The following CHST9 variants were observed in gnomAD, a reference collection of about 807,000 sequenced individuals.
CHST9 encodes GalNAc-4-sulfotransferase 2.
In CHST9, 41 loss-of-function variants were observed where a neutral mutation model predicts 44.4. The observed-to-expected ratio is 0.92, with a 90% CI of 0.72 to 1.20. CHST9 has a LOEUF of 1.20. CHST9 is among the 50% of genes most tolerant of loss of function. The pLI is 0.00. For missense variants in CHST9, 504 were observed against 516.5 expected, an observed-to-expected ratio of 0.98 and a Z score of 0.23; for synonymous variants, 171 against 178.4, an observed-to-expected ratio of 0.96 and a Z score of 0.33.
chr18:26,928,003 C>A (rs1366452699), intron 5 of CHST9, among the ~76,000 whole-genome samples: 7 of 145,996 alleles, frequency 4.8e-5, no homozygotes, highest in Non-Finnish European at 1.1e-4. Context: ...CTTTTAACAG[C>A]ACGCTGCCTT....
At chr18:27,120,684 T>C (rs1365812320) in intron 2 of CHST9, among the ~76,000 whole-genome samples, 1 of 152,234 alleles carries the variant, frequency 6.6e-6, no homozygotes, top group East Asian at 1.9e-4. Context: ...ATTTTCTCTG[T>C]GACTCAGTTT....
chr18:26,999,904 CA>C (rs1353956965), intron 4 of CHST9, among the ~76,000 whole-genome samples: 1 of 152,130 alleles, frequency 6.6e-6, no homozygotes, highest in Non-Finnish European at 1.5e-5. Flanking sequence ...TTAAGTGGGA[CA>C]GTGTGTAATG....
chr18:27,055,549 A>G (rs1419880108), intron 2 of CHST9, among the ~76,000 whole-genome samples: 1 of 152,172 alleles, frequency 6.6e-6, no homozygotes, highest in South Asian at 2.1e-4. Flanking sequence ...CCAGGTCACC[A>G]CTATTGCCAT....
intron 1 of CHST9, among the ~76,000 whole-genome samples, chr18:27,159,120 C>T (rs866825185): frequency 6.6e-6 from 1 of 152,068 alleles, no homozygotes; most frequent in Non-Finnish European, 1.5e-5. Context: ...TTAATTAGAT[C>T]CCATTTGTCA....
At chr18:26,933,444 T>C (rs1487509913) in intron 5 of CHST9, among the ~76,000 whole-genome samples, 1 of 152,196 alleles carries the variant, frequency 6.6e-6, no homozygotes, top group Non-Finnish European at 1.5e-5. Context: ...AACCTTTATA[T>C]TTTTGCCGAG....
At chr18:27,000,395 G>A (rs2056934923) in intron 4 of CHST9, among the ~76,000 whole-genome samples, 1 of 152,320 alleles carries the variant, frequency 6.6e-6, no homozygotes. Flanking sequence ...GTTCACTTAC[G>A]AAGGGACTTA....
At chr18:26,985,065 T>C (rs1189353670) in intron 4 of CHST9, among the ~76,000 whole-genome samples, 1 of 152,154 alleles carries the variant, frequency 6.6e-6, no homozygotes, top group Non-Finnish European at 1.5e-5. Flanking sequence ...TAATACTGTT[T>C]ATAACAGATC....
At chr18:26,994,141 A>G (rs927988201) in intron 4 of CHST9, among the ~76,000 whole-genome samples, 1 of 152,224 alleles carries the variant, frequency 6.6e-6, no homozygotes, top group African/African-American at 2.4e-5. Context: ...CTTATCTCAA[A>G]ATACAATCAC....
chr18:27,092,548 T>C (rs1472999345), intron 2 of CHST9, among the ~76,000 whole-genome samples: 1 of 152,198 alleles, frequency 6.6e-6, no homozygotes, highest in Non-Finnish European at 1.5e-5. Context: ...AGGGTGTTGA[T>C]TTTAGATCTT....
intron 4 of CHST9, among the ~76,000 whole-genome samples, chr18:26,991,553 C>T (rs745899227): frequency 9.2e-5 from 14 of 152,086 alleles, no homozygotes; most frequent in Non-Finnish European, 1.9e-4. Context: ...CAGCATGAGA[C>T]TAGCTGAGGT....
At chr18:26,958,034 G>GCC (rs2056349416) in intron 4 of CHST9, among the ~76,000 whole-genome samples, 1 of 129,140 alleles carries the variant, frequency 7.7e-6, no homozygotes, top group African/African-American at 2.7e-5. Context: ...TTACAGGCAT[G>GCC]CACCACCACA....
At chr18:27,108,352 G>A (rs1402004808) in intron 2 of CHST9, among the ~76,000 whole-genome samples, 2 of 152,124 alleles carry the variant, frequency 1.3e-5, no homozygotes, top group African/African-American at 2.4e-5. Flanking sequence ...ATAAAATGAT[G>A]TCAACACGTA....
intron 2 of CHST9, among the ~76,000 whole-genome samples, chr18:27,062,151 T>C (rs886685173): frequency 1.3e-5 from 2 of 152,144 alleles, no homozygotes; most frequent in African/African-American, 4.8e-5. Flanking sequence ...TATACTGTTG[T>C]TTGGTCAATT....
intron 2 of CHST9, among the ~76,000 whole-genome samples, chr18:27,065,770 C>T (rs1179473185): frequency 6.6e-6 from 1 of 152,084 alleles, no homozygotes; most frequent in African/African-American, 2.4e-5. Flanking sequence ...TACTTGGAAC[C>T]ATGATAACTA....
At chr18:27,109,757 G>C (rs917342255) in intron 2 of CHST9, among the ~76,000 whole-genome samples, 1 of 152,054 alleles carries the variant, frequency 6.6e-6, no homozygotes, top group Non-Finnish European at 1.5e-5. Context: ...TTATAAAATT[G>C]GTTCCGACAA....
chr18:27,100,006 G>GAT (rs1160524961), intron 2 of CHST9, among the ~76,000 whole-genome samples: 18 of 132,156 alleles, frequency 1.4e-4, no homozygotes, highest in Non-Finnish European at 2.4e-4. Flanking sequence ...TAAATAAAAT[G>GAT]ATATATATAT....
chr18:26,907,977 T>A lies in CHST9; in HGVS notation c.*8282A>T, dbSNP rs115541128. The stretch of plus-strand genomic sequence containing the variant: ...TTATCAAATTCATAGAGACAAAAGG[T>A]AGAATGATGGTTGCCAGAACTGGGG... On this transcript the variant is annotated 3_prime_UTR_variant, in exon 6 of 6. Coordinates refer to ENST00000618847, the MANE Select transcript of CHST9 (RefSeq NM_031422.6). 261 of 155,754 alleles carry A rather than the reference T, an allele frequency of 1.7e-3. No homozygotes were observed. Among genetic ancestry groups the A allele is most frequent in the African/African-American group, 5.9e-3 (245 of 41,678 alleles). The allele number at this position is 155,754 out of a possible 1,614,324, so 9.6% of individuals were successfully genotyped here.
chr18:27,037,181 T>C (rs1388608287), intron 3 of CHST9, among the ~76,000 whole-genome samples: 12 of 152,214 alleles, frequency 7.9e-5, no homozygotes, highest in African/African-American at 2.9e-4. Flanking sequence ...TTTACATTTT[T>C]TTCCAGCAAT....
intron 2 of CHST9, among the ~76,000 whole-genome samples, chr18:27,056,131 T>C (rs1261561125): frequency 6.6e-6 from 1 of 152,254 alleles, no homozygotes; most frequent in Non-Finnish European, 1.5e-5. Flanking sequence ...TTTTAACTTA[T>C]AATTATCTAA....
Sources: allele counts gnomAD v4.1 joint callset (sites outside exome capture counted in the v4.1 genomes callset), GRCh38; gene constraint gnomAD v4.1.1; transcripts MANE v1.5; gene names NCBI Gene and HGNC (gene_info 2026-07-23, HGNC 2026-07-21).